ZDHHC20: variants seen among roughly 807,000 people sequenced by gnomAD.
The protein encoded by ZDHHC20 is palmitoyltransferase ZDHHC20.
Under a neutral mutation model 57.8 loss-of-function variants are expected in ZDHHC20, and 43 were observed. The ratio of observed to expected loss-of-function variants is 0.74; its 90% CI spans 0.58 to 0.96. The LOEUF (loss-of-function observed/expected upper bound fraction) is 0.96, where lower values mean the gene tolerates loss of function less well. ZDHHC20 is among the 40% of genes least tolerant of loss of function. The pLI is 0.00. For synonymous variants in ZDHHC20, 157 were observed against 153.0 expected, an observed-to-expected ratio of 1.03 and a Z score of -0.19; for missense variants, 391 against 441.1, an observed-to-expected ratio of 0.89 and a Z score of 1.02.
At chr13:21,406,972 C>T (rs1878535287) in intron 4 of ZDHHC20, among the ~76,000 whole-genome samples, 2 of 152,082 alleles carry the variant, frequency 1.3e-5, no homozygotes, top group South Asian at 2.1e-4. Flanking sequence ...CTTCCACAAT[C>T]GTTGAGCTAA....
intron 1 of ZDHHC20, among the ~76,000 whole-genome samples, chr13:21,446,717 G>T (rs528587190): frequency 1.3e-5 from 2 of 152,144 alleles, no homozygotes; most frequent in Non-Finnish European, 2.9e-5. Context: ...ACATATTTGA[G>T]CAGTATCTAA....
chr13:21,381,942 A>T (rs1463943977), intron 10 of ZDHHC20: 2 of 524,160 alleles, frequency 3.8e-6, no homozygotes, highest in Non-Finnish European at 7.6e-6. Flanking sequence ...TCTGCAGTTT[A>T]GATCTAAGGG....
At chr13:21,443,042 G>C (rs986308199) in intron 1 of ZDHHC20, among the ~76,000 whole-genome samples, 3 of 152,156 alleles carry the variant, frequency 2.0e-5, no homozygotes, top group African/African-American at 7.2e-5. Flanking sequence ...GCCTTCTTCT[G>C]TTACTTCAAT....
At chr13:21,450,589 C>T (rs1884350642) in intron 1 of ZDHHC20, among the ~76,000 whole-genome samples, 1 of 151,996 alleles carries the variant, frequency 6.6e-6, no homozygotes, top group South Asian at 2.1e-4. Flanking sequence ...AGAAAAAAAA[C>T]TTTTTCTTCA....
chr13:21,440,779 G>C (rs944724296), intron 1 of ZDHHC20, among the ~76,000 whole-genome samples: 1 of 151,866 alleles, frequency 6.6e-6, no homozygotes, highest in African/African-American at 2.4e-5. Context: ...TCTGTAATTT[G>C]ATGTGCTATT....
At chr13:21,415,889 A>T (rs1879895211) in intron 3 of ZDHHC20, among the ~76,000 whole-genome samples, 1 of 152,018 alleles carries the variant, frequency 6.6e-6, no homozygotes, top group Non-Finnish European at 1.5e-5. Context: ...GCTACTCAAC[A>T]TCATTACTTT....
At position 21,399,595 on chromosome 13, in the gene ZDHHC20, T is replaced by A. The variant is rs967399624; in HGVS notation, c.594+778A>T. 2.6e-4 allele frequency among the ~76,000 whole-genome samples: 40 copies of A among 152,172 alleles called. 1 individual carries two copies. The highest frequency in any genetic ancestry group is 9.7e-4 in the African/African-American group (40 of 41,448). On this transcript the variant is annotated intron_variant, in intron 7 of 12. Transcript: ENST00000400590. The stretch of plus-strand genomic sequence containing the variant: ...TTTATCTGTTTTGAATATATTACTA[T>A]TTGTCCATGTTATACAAAATCCAAA...
chr13:21,403,409 AT>A (rs1374146010), intron 4 of ZDHHC20, among the ~76,000 whole-genome samples: 3 of 152,166 alleles, frequency 2.0e-5, no homozygotes, highest in African/African-American at 4.8e-5. Context: ...AATATATACT[AT>A]TGTTGCCTAA....
chr13:21,420,752 T>C (rs1880553590), intron 3 of ZDHHC20, among the ~76,000 whole-genome samples: 1 of 152,254 alleles, frequency 6.6e-6, no homozygotes, highest in South Asian at 2.1e-4. Context: ...AAATAAACTC[T>C]ACTTTCCTAA....
chr13:21,444,496 T>C (rs559454290), intron 1 of ZDHHC20, among the ~76,000 whole-genome samples: 1 of 152,302 alleles, frequency 6.6e-6, no homozygotes, highest in South Asian at 2.1e-4. Context: ...TTTTATAAAA[T>C]GATAGTGATA....
At chr13:21,386,214 C>T (rs562599187) in intron 9 of ZDHHC20, among the ~76,000 whole-genome samples, 7 of 152,202 alleles carry the variant, frequency 4.6e-5, no homozygotes, top group Admixed American at 2.0e-4. Flanking sequence ...ATGAACAGTG[C>T]ATCAGTGAGC....
At chr13:21,441,549 CTTTTTTTTTTTTT>C (rs397851910) in intron 1 of ZDHHC20, among the ~76,000 whole-genome samples, 8 of 65,326 alleles carry the variant, frequency 1.2e-4, no homozygotes, top group African/African-American at 4.7e-4. Flanking sequence ...CCACGCCCGG[CTTTTTTTTTTTTT>C]TTTTTTTTTT....
At chr13:21,449,706 A>G (rs1884260968) in intron 1 of ZDHHC20, among the ~76,000 whole-genome samples, 2 of 151,546 alleles carry the variant, frequency 1.3e-5, no homozygotes, top group Admixed American at 1.3e-4. Context: ...GAGCAGTGAC[A>G]TGATCTCAGC....
intron 1 of ZDHHC20, among the ~76,000 whole-genome samples, chr13:21,447,936 C>A (rs1209005985): frequency 4.3e-5 from 5 of 115,854 alleles, no homozygotes; most frequent in Admixed American, 8.5e-5. Flanking sequence ...GCCCCGCCGC[C>A]CCATCTGGGA....
At chr13:21,414,225 A>G (rs1340539718) in intron 3 of ZDHHC20, among the ~76,000 whole-genome samples, 1 of 108,656 alleles carries the variant, frequency 9.2e-6, no homozygotes, top group Non-Finnish European at 1.9e-5. Flanking sequence ...AAGGCCAAGG[A>G]GTCTTTTTTT....
intron 1 of ZDHHC20, among the ~76,000 whole-genome samples, chr13:21,444,255 C>T (rs910407793): frequency 5.9e-5 from 9 of 152,260 alleles, no homozygotes; most frequent in African/African-American, 2.2e-4. Context: ...AAACAGACTG[C>T]CTGGAAGTCA....
chr13:21,385,083 A>G (rs1273654622), intron 9 of ZDHHC20, among the ~76,000 whole-genome samples: 1 of 152,038 alleles, frequency 6.6e-6, no homozygotes, highest in East Asian at 1.9e-4. Context: ...ATACAATTAA[A>G]AGAGAAACGT....
chr13:21,421,614 C>T (rs1013236128), intron 2 of ZDHHC20, among the ~76,000 whole-genome samples: 1 of 152,146 alleles, frequency 6.6e-6, no homozygotes, highest in African/African-American at 2.4e-5. Context: ...AACTCATTCC[C>T]TGTATTGTTC....
intron 4 of ZDHHC20, among the ~76,000 whole-genome samples, chr13:21,405,144 TTAAA>T (rs979748103): frequency 6.6e-6 from 1 of 152,162 alleles, no homozygotes; most frequent in African/African-American, 2.4e-5. Flanking sequence ...ATTTTTTTTT[TTAAA>T]TAATGGACAT....
Sources: gnomAD v4.1 joint callset for allele counts (sites outside exome capture counted in the v4.1 genomes callset) on GRCh38, gnomAD v4.1.1 for gene constraint, MANE v1.5 for transcripts, NCBI Gene and HGNC (gene_info 2026-07-23, HGNC 2026-07-21) for gene names.